Variants in SQSTM1 observed in about 807,000 individuals in gnomAD.
SQSTM1 encodes sequestosome 1.
A neutral mutation model predicts 45.1 loss-of-function variants in SQSTM1; 36 were observed. The observed-to-expected ratio is 0.80, with a 90% CI of 0.61 to 1.05. The LOEUF is 1.05. Among genes scored for constraint, SQSTM1 ranks in the 50% least tolerant of loss-of-function variants. SQSTM1 has a pLI of 0.00. For synonymous variants in SQSTM1, 290 were observed against 244.3 expected (o/e 1.19, Z -1.74); for missense variants, 617 against 607.1 (o/e 1.02, Z -0.17).
Position 179,838,001 on chromosome 5 carries a change from A to C in SQSTM1, c.*1408A>C. ...TCTGGTTCTGACACTTTCTGCTGGA[A>C]GCTGTCAGGCTGGGACAGGCTTTGA... On this transcript the variant is annotated 3_prime_UTR_variant, in exon 8 of 8. Coordinates refer to ENST00000389805, the MANE Select transcript of SQSTM1 (RefSeq NM_003900.5). The C allele has an allele frequency of 1.0e-6, 1 of 992,228 alleles. No individual in the cohort carries two copies. The highest frequency in any genetic ancestry group is 2.5e-5 in the East Asian group (1 of 39,906). 61.5% of individuals were successfully genotyped at this position (992,228 alleles called of 1,614,324 possible).
chr5:179,820,091 T>C (rs1450673099), upstream of SQSTM1: 2 of 152,874 alleles, frequency 1.3e-5, no homozygotes, highest in East Asian at 3.9e-4. Context: ...AAGCAGTGTT[T>C]CTTCCTTCCT....
At chr5:179,818,435 C>T (rs1027179217), upstream of SQSTM1, among the ~76,000 whole-genome samples, 1 of 152,214 alleles carries the variant, frequency 6.6e-6, no homozygotes, top group Admixed American at 6.5e-5. Flanking sequence ...ACACTTGACT[C>T]CACGCCCCAA....
chr5:179,821,778 A>G, intron 1 of SQSTM1: 1 of 314,618 alleles, frequency 3.2e-6, no homozygotes, highest in Non-Finnish European at 6.2e-6. Context: ...GTTGGCACAG[A>G]AGCCCTGTTT....
At chr5:179,819,262 A>G (rs1757678999), upstream of SQSTM1, among the ~76,000 whole-genome samples, 1 of 152,178 alleles carries the variant, frequency 6.6e-6, no homozygotes, top group South Asian at 2.1e-4. Context: ...GGGAAGGGCC[A>G]GAGCCGGGTG....
At chr5:179,831,138 T>A (rs935162776) in intron 5 of SQSTM1, among the ~76,000 whole-genome samples, 1 of 152,120 alleles carries the variant, frequency 6.6e-6, no homozygotes, top group Non-Finnish European at 1.5e-5. Context: ...AGCACAGAGG[T>A]ATTAGGAAAC....
At chr5:179,822,015 T>C (rs1239824588) in intron 1 of SQSTM1, among the ~76,000 whole-genome samples, 1 of 152,226 alleles carries the variant, frequency 6.6e-6, no homozygotes, top group Non-Finnish European at 1.5e-5. Flanking sequence ...AGTGTACAAG[T>C]CAGTGGTTTT....
chr5:179,816,346 C>T (rs2113469395), upstream of SQSTM1, among the ~76,000 whole-genome samples: 1 of 152,320 alleles, frequency 6.6e-6, no homozygotes, highest in South Asian at 2.1e-4. Flanking sequence ...GATGGGGTTT[C>T]ACTCTGTTGG....
rs1181470503 is a variant in SQSTM1 at position 179,809,637 on chromosome 5, CTTTTTTTTTTTTT to C, written c.-156-1925_-156-1913del. ...CAGGCATGAGCCACTGCGCCTGGCC[CTTTTTTTTTTTTT>C]TTTTTTTTTTTGAAACGGAGTCTTG... On this transcript the variant is annotated intron_variant, in intron 1 of 5. Coordinates refer to the SQSTM1 transcript ENST00000514093. Among the ~76,000 whole-genome samples the C allele has an allele frequency of 6.4e-5, 5 of 77,664 alleles. No homozygotes were observed. In the Admixed American group the frequency reaches 7.5e-4, roughly 12 times the overall value. The allele number at this position is 77,664 out of a possible 152,430, so 51.0% of individuals were successfully genotyped here. A position where few individuals can be genotyped will look rare whatever the true frequency, so the allele number is the denominator to read the frequency against.
chr5:179,810,541 G>A (rs1278950481), intron 1 of SQSTM1, among the ~76,000 whole-genome samples: 5 of 152,186 alleles, frequency 3.3e-5, no homozygotes, highest in Admixed American at 1.3e-4. Context: ...TTGGTTCCAA[G>A]TCTTTGCTAT....
intron 1 of SQSTM1, among the ~76,000 whole-genome samples, chr5:179,810,862 G>T (rs943133482): frequency 9.2e-5 from 14 of 152,104 alleles, no homozygotes; most frequent in Non-Finnish European, 2.1e-4. Flanking sequence ...TTCTCTGATG[G>T]CCAGTGATGC....
chr5:179,821,435 C>A, intron 1 of SQSTM1: 1 of 608,718 alleles, frequency 1.6e-6, no homozygotes, highest in Non-Finnish European at 3.0e-6. Flanking sequence ...CCCCGCTCCA[C>A]CCCCCGCGCT....
At chr5:179,815,254 T>C (rs1387138267), upstream of SQSTM1, among the ~76,000 whole-genome samples, 1 of 151,940 alleles carries the variant, frequency 6.6e-6, no homozygotes, top group Non-Finnish European at 1.5e-5. Flanking sequence ...CCGTCTCTAC[T>C]AAAAATACAA....
chr5:179,832,964 C>G, intron 5 of SQSTM1, 68 bp from the exon 6 acceptor site: 1 of 1,511,428 alleles, frequency 6.6e-7, no homozygotes, highest in Non-Finnish European at 9.2e-7. Context: ...CTCCACAGGC[C>G]AAGCTCCTGC....
At chr5:179,831,342 A>T (rs1001981447) in intron 5 of SQSTM1, among the ~76,000 whole-genome samples, 1 of 152,186 alleles carries the variant, frequency 6.6e-6, no homozygotes, top group African/African-American at 2.4e-5. Flanking sequence ...ATGCTGTGGG[A>T]GAACATAGGG....
Position 179,820,969 on chromosome 5 carries a change from G to A in SQSTM1, c.33G>A (p.Leu11=). 1 of 1,575,342 alleles carries A rather than the reference G, an allele frequency of 6.3e-7. No homozygotes were observed. Residue 11 remains leucine (L), a synonymous_variant, in exon 1 of 8, where the codon CTG becomes CTA. Coordinates refer to ENST00000389805, the MANE Select transcript of SQSTM1 (RefSeq NM_003900.5). MASLTVKAYL[L]GKEDAAREIR... is the part of the protein sequence containing the mutation. Reference sequence around the variant, plus strand: ...CGCTCACCGTGAAGGCCTACCTTCTGGGCAAGGAGGACGCGGCGCGCGAGA... The same window carrying A: ...CGCTCACCGTGAAGGCCTACCTTCTAGGCAAGGAGGACGCGGCGCGCGAGA...
Position 179,823,994 on chromosome 5 carries a change from A to T in SQSTM1, c.438A>T (p.Pro146=), listed in dbSNP as rs1255079587. 1.2e-6 allele frequency: 2 copies of T among 1,614,046 alleles called. No homozygotes were observed. The highest frequency in any genetic ancestry group is 1.7e-6 in the Non-Finnish European group (2 of 1,180,030). ...CCCGCTACAAGTGCAGCGTCTGCCC[A>T]GACTACGACTTGTGTAGCGTCTGCG... ...VGTRYKCSVC[P]DYDLCSVCEG... The change falls in exon 3 of 8, where the codon CCA becomes CCT. Residue 146 remains proline, a synonymous_variant. Transcript: ENST00000389805.
At chr5:179,813,175 A>G (rs1757482088) in intron 2 of SQSTM1, 1 of 152,132 alleles carries the variant, frequency 6.6e-6, no homozygotes, top group African/African-American at 2.4e-5. Context: ...TTCACCATGT[A>G]CCAAACACAC....
rs370200075 is a variant in SQSTM1 at position 179,836,636 on chromosome 5, T to C, written c.*43T>C. 3.5e-5 allele frequency: 56 copies of C among 1,613,772 alleles called. No homozygotes were observed. The South Asian group carries it at 4.6e-4, about 13-fold the overall frequency. ...TTCTGCGTGCCCCTCTTCTGTCTCATAGTTGTGTTAAGCTTGCGTAGAATT... is the reference window on the plus strand; with the variant it reads ...TTCTGCGTGCCCCTCTTCTGTCTCACAGTTGTGTTAAGCTTGCGTAGAATT... On this transcript the variant is annotated 3_prime_UTR_variant, in exon 8 of 8. Coordinates refer to ENST00000389805, the MANE Select transcript of SQSTM1 (RefSeq NM_003900.5).
intron 5 of SQSTM1, among the ~76,000 whole-genome samples, chr5:179,826,210 G>C (rs1757981435): frequency 6.6e-6 from 1 of 151,894 alleles, no homozygotes; most frequent in Non-Finnish European, 1.5e-5. Flanking sequence ...TGTCACGGAG[G>C]CTGGAGTGCA....
Sources: allele counts gnomAD v4.1 joint callset (sites outside exome capture counted in the v4.1 genomes callset), GRCh38; gene constraint gnomAD v4.1.1; transcripts MANE v1.5; gene names NCBI Gene and HGNC (gene_info 2026-07-23, HGNC 2026-07-21).